Variants in PPP2R5E observed in about 807,000 individuals in gnomAD.
The protein encoded by PPP2R5E is serine/threonine-protein phosphatase 2A 56 kDa regulatory subunit epsilon isoform.
PPP2R5E carries 4 observed loss-of-function variants against 65.3 expected under a neutral mutation model. The ratio of observed to expected loss-of-function variants is 0.06; its 90% CI spans 0.03 to 0.14. PPP2R5E has a LOEUF of 0.14. Ranked by LOEUF, PPP2R5E falls within the 10% of genes least tolerant of loss-of-function variation. The probability of loss-of-function intolerance (pLI) is 1.00; values close to 1 mark genes in which losing one functional copy is unlikely to be tolerated. For missense variants in PPP2R5E, 274 were observed against 556.1 expected (o/e 0.49, Z 5.10); for synonymous variants, 183 against 187.4 (o/e 0.98, Z 0.19).
intron 5 of PPP2R5E, among the ~76,000 whole-genome samples, chr14:63,400,730 T>C (rs1012401411): frequency 1.5e-5 from 2 of 134,518 alleles, no homozygotes; most frequent in Admixed American, 1.5e-4. Flanking sequence ...AGACTCAGTA[T>C]CTCTTTATCT....
chr14:63,415,934 C>T (rs991250507), intron 4 of PPP2R5E, among the ~76,000 whole-genome samples: 1 of 152,158 alleles, frequency 6.6e-6, no homozygotes, highest in African/African-American at 2.4e-5. Flanking sequence ...GATATCCAAA[C>T]ATTCAGAATT....
At chr14:63,433,578 AT>A (rs1887803985) in intron 3 of PPP2R5E, among the ~76,000 whole-genome samples, 1 of 152,024 alleles carries the variant, frequency 6.6e-6, no homozygotes, top group African/African-American at 2.4e-5. Context: ...TTTAGTCTCA[AT>A]TCAACATAGT....
intron 3 of PPP2R5E, among the ~76,000 whole-genome samples, chr14:63,435,273 T>TAA (rs11393934): frequency 1.3e-5 from 2 of 150,706 alleles, no homozygotes; most frequent in African/African-American, 4.9e-5. Context: ...AAAGTCATAT[T>TAA]AAAAAAAAAG....
At chr14:63,520,907 C>CA (rs1412582676) in intron 2 of PPP2R5E, among the ~76,000 whole-genome samples, 1 of 142,526 alleles carries the variant, frequency 7.0e-6, no homozygotes, top group Non-Finnish European at 1.5e-5. Flanking sequence ...GGCATGGTAG[C>CA]AGGTGCCTGT....
intron 2 of PPP2R5E, among the ~76,000 whole-genome samples, chr14:63,518,689 T>C (rs74435287): frequency 0.19 from 28,242 of 152,082 alleles, 3,321 homozygotes; most frequent in African/African-American, 0.33. Context: ...TATCATAAAA[T>C]ACAATAAGCA....
rs1893980494 is a variant in PPP2R5E, at chr14:63,543,177, G to C, written c.-406C>G. 1 of 153,364 alleles carries C rather than the reference G, an allele frequency of 6.5e-6. No individual in the cohort carries two copies. The highest frequency in any genetic ancestry group is 2.1e-4 in the South Asian group (1 of 4,854). The allele number at this position is 153,364 out of a possible 1,614,324, so 9.5% of individuals were successfully genotyped here. On this transcript the variant is annotated 5_prime_UTR_variant, in exon 1 of 14. Coordinates refer to ENST00000337537, the MANE Select transcript of PPP2R5E (RefSeq NM_006246.5). Reference sequence around the variant, plus strand: ...GACGTGGGGAGGGGGGGAAGGGAGGGAGGAAGACTGGATCTGCAGCGGCAG... The same window carrying C: ...GACGTGGGGAGGGGGGGAAGGGAGGCAGGAAGACTGGATCTGCAGCGGCAG...
intron 4 of PPP2R5E, among the ~76,000 whole-genome samples, chr14:63,417,071 C>T (rs10140093): frequency 0.012 from 1,903 of 152,282 alleles, 44 homozygotes; most frequent in African/African-American, 0.042. Context: ...CTTTGTTACA[C>T]TAAAATCCAA....
intron 2 of PPP2R5E, among the ~76,000 whole-genome samples, chr14:63,466,886 G>C (rs1028803088): frequency 6.6e-6 from 1 of 152,136 alleles, no homozygotes; most frequent in African/African-American, 2.4e-5. Context: ...AAAAAGGACA[G>C]CGAACGTGTC....
At chr14:63,393,955 A>T in intron 7 of PPP2R5E, 27 bp from the exon 8 acceptor site, 1 of 1,344,926 alleles carries the variant, frequency 7.4e-7, no homozygotes. Context: ...GACACAAATT[A>T]GCAATGTTAC....
chr14:63,423,958 G>A (rs1887182384), intron 3 of PPP2R5E, among the ~76,000 whole-genome samples: 2 of 152,156 alleles, frequency 1.3e-5, no homozygotes, highest in South Asian at 4.2e-4. Context: ...GCCATTAGTG[G>A]ATCTTAAAAC....
chr14:63,527,616 T>G (rs780363602), intron 2 of PPP2R5E, among the ~76,000 whole-genome samples: 1 of 152,152 alleles, frequency 6.6e-6, no homozygotes, highest in Admixed American at 6.5e-5. Flanking sequence ...CTCCCAGTTT[T>G]AGAGAGAAGA....
rs1255772 is a variant in PPP2R5E at position 63,525,357 on chromosome 14, C to T, written c.157+14172G>A. 8.2e-3 allele frequency among the ~76,000 whole-genome samples: 1,256 copies of T among 152,262 alleles called. 20 individuals carry two copies. Among genetic ancestry groups the T allele is most frequent in the African/African-American group, 0.029 (1,188 of 41,530 alleles). ...TCAAATGATGCAGATCAAAATTTTC[C>T]AGCCAACCACACACTACAGTCATGT... On this transcript the variant is annotated intron_variant, in intron 2 of 13. Transcript: ENST00000337537.
intron 2 of PPP2R5E, among the ~76,000 whole-genome samples, chr14:63,499,909 C>T (rs1284877086): frequency 6.6e-6 from 1 of 152,210 alleles, no homozygotes; most frequent in Non-Finnish European, 1.5e-5. Flanking sequence ...CTTCTGGTTC[C>T]TAGCCCAATA....
intron 5 of PPP2R5E, among the ~76,000 whole-genome samples, chr14:63,409,160 G>A (rs1886254264): frequency 6.6e-6 from 1 of 152,192 alleles, no homozygotes; most frequent in Admixed American, 6.5e-5. Context: ...TTGAACCCAG[G>A]AGGCGGAGGT....
At chr14:63,445,473 C>T (rs1303339499) in intron 3 of PPP2R5E, among the ~76,000 whole-genome samples, 1 of 152,170 alleles carries the variant, frequency 6.6e-6, no homozygotes, top group East Asian at 1.9e-4. Flanking sequence ...AGGGTCTTGC[C>T]TTCATGTTGA....
chr14:63,459,155 A>G (rs891412990), intron 2 of PPP2R5E, among the ~76,000 whole-genome samples: 9 of 152,238 alleles, frequency 5.9e-5, no homozygotes, highest in Non-Finnish European at 1.3e-4. Flanking sequence ...GAGATGCTTA[A>G]TACTAAAACA....
chr14:63,517,213 AT>A (rs1310135622), intron 2 of PPP2R5E, among the ~76,000 whole-genome samples: 4 of 152,378 alleles, frequency 2.6e-5, no homozygotes, highest in Admixed American at 6.5e-5. Flanking sequence ...CTTAAAAAAA[AT>A]AAAAAATAAA....
At chr14:63,522,699 G>C (rs1428034294) in intron 2 of PPP2R5E, among the ~76,000 whole-genome samples, 1 of 147,058 alleles carries the variant, frequency 6.8e-6, no homozygotes, top group Non-Finnish European at 1.5e-5. Context: ...GGAGAGGAGC[G>C]TCTCTGCCCG....
At chr14:63,469,661 TCCAGCCTGGG>T in intron 2 of PPP2R5E, among the ~76,000 whole-genome samples, 1 of 152,256 alleles carries the variant, frequency 6.6e-6, no homozygotes, top group East Asian at 1.9e-4. Context: ...GCCACTGCAC[TCCAGCCTGGG>T]CGACAGAGCA....
Sources: allele counts gnomAD v4.1 joint callset (sites outside exome capture counted in the v4.1 genomes callset), GRCh38; gene constraint gnomAD v4.1.1; transcripts MANE v1.5; gene names NCBI Gene and HGNC (gene_info 2026-07-23, HGNC 2026-07-21).